Variants in WHRN observed in about 807,000 individuals in gnomAD.
WHRN encodes the protein whirlin.
Under a neutral mutation model 68.3 loss-of-function variants are expected in WHRN, and 41 were observed. The observed-to-expected ratio is 0.60, with a 90% CI of 0.47 to 0.78. The LOEUF is 0.78. Ranked by LOEUF, WHRN falls within the 30% of genes least tolerant of loss-of-function variation. The probability of loss-of-function intolerance (pLI) is 0.00; values close to 1 mark genes in which losing one functional copy is unlikely to be tolerated. For synonymous variants in WHRN, 560 were observed against 561.3 expected (o/e 1.00, Z 0.03); for missense variants, 1,243 against 1,244.7 (o/e 1.00, Z 0.02).
intron 2 of WHRN, among the ~76,000 whole-genome samples, chr9:114,472,002 G>C (rs1376035510): frequency 6.6e-6 from 1 of 152,206 alleles, no homozygotes; most frequent in East Asian, 1.9e-4. Context: ...TAGCAAACCA[G>C]AGCTCGGGCT....
At chr9:114,477,866 T>C (rs1237353252) in intron 2 of WHRN, among the ~76,000 whole-genome samples, 2 of 152,152 alleles carry the variant, frequency 1.3e-5, no homozygotes, top group South Asian at 2.1e-4. Context: ...CTGGCAGCTA[T>C]GTGTGGCCAT....
intron 3 of WHRN, among the ~76,000 whole-genome samples, chr9:114,428,845 C>T (rs373303972): frequency 2.6e-5 from 4 of 152,274 alleles, no homozygotes; most frequent in African/African-American, 7.2e-5. Flanking sequence ...TCGGTTCCTA[C>T]CTGCTCCCTC....
chr9:114,477,876 T>C (rs557395269), intron 2 of WHRN, among the ~76,000 whole-genome samples: 1 of 152,156 alleles, frequency 6.6e-6, no homozygotes. Context: ...TGTGTGGCCA[T>C]GCACCTGGGT....
intron 4 of WHRN, chr9:114,425,863 T>C: frequency 2.6e-6 from 1 of 381,090 alleles, no homozygotes. Flanking sequence ...AGCATCTCTC[T>C]CTTTCCCTCT....
At position 114,478,812 on chromosome 9, in the gene WHRN, C is replaced by T. The variant is rs189548023; in HGVS notation, c.619-41G>A. 5.5e-4 allele frequency: 873 copies of T among 1,577,756 alleles called. 2 individuals carry two copies. The highest frequency in any genetic ancestry group is 2.0e-3 in the South Asian group (178 of 87,610). On this transcript the variant is annotated intron_variant, in intron 1 of 11. Transcript: ENST00000362057. ...TACAAAGGTTAGAGGAAGGGAGGTG[C>T]CGGGGGTGTGGAGGAACACCCTCCC...
At chr9:114,456,164 G>A (rs1437518637) in intron 3 of WHRN, among the ~76,000 whole-genome samples, 5 of 147,780 alleles carry the variant, frequency 3.4e-5, no homozygotes, top group Non-Finnish European at 6.0e-5. Context: ...TCTCCAAATG[G>A]GCAAAAGATC....
intron 4 of WHRN, 103 bp from the exon 5 acceptor site, chr9:114,425,127 G>C (rs953981043): frequency 8.2e-7 from 1 of 1,215,778 alleles, no homozygotes; most frequent in African/African-American, 1.5e-5. Flanking sequence ...AGCTTCAAGA[G>C]AACCATGCAT....
chr9:114,466,497 C>G lies in WHRN; in HGVS notation c.838-105G>C. The G allele has an allele frequency of 1.9e-6, 3 of 1,541,560 alleles. No homozygotes were observed. In the South Asian group the frequency reaches 3.4e-5, roughly 17 times the overall value. On this transcript the variant is annotated intron_variant, in intron 2 of 11. Transcript: ENST00000362057. The stretch of plus-strand genomic sequence containing the variant: ...CGTACTTTGAAGAGCGCATCTTATC[C>G]GACTGGCAAGGAGGCCCAGGCCAAG...
Position 114,413,546 on chromosome 9 carries a change from G to A in WHRN, c.1627-5528C>T, listed in dbSNP as rs977895438. Among the ~76,000 whole-genome samples, 5 of 152,302 alleles carry A rather than the reference G, an allele frequency of 3.3e-5. No individual in the cohort carries two copies. The East Asian group carries it at 5.8e-4, about 18-fold the overall frequency. ...AAGTGTCAGTCATGCAGGTGGCGAC[G>A]GGGAATCATTGGACCTGCAATCTCT... On this transcript the variant is annotated intron_variant, in intron 7 of 11. Coordinates refer to ENST00000362057, the MANE Select transcript of WHRN (RefSeq NM_015404.4).
At chr9:114,478,806 G>C in intron 1 of WHRN, 35 bp from the exon 2 acceptor site, 1 of 1,586,054 alleles carries the variant, frequency 6.3e-7, no homozygotes, top group Admixed American at 1.8e-5. Context: ...TAGAGGAAGG[G>C]AGGTGCCGGG....
intron 9 of WHRN, among the ~76,000 whole-genome samples, chr9:114,404,364 G>A (rs1834878746): frequency 6.6e-6 from 1 of 152,264 alleles, no homozygotes; most frequent in Non-Finnish European, 1.5e-5. Context: ...TGATAAAACA[G>A]AGGTCAGGAG....
chr9:114,407,354 C>T (rs1053500565), intron 8 of WHRN, among the ~76,000 whole-genome samples: 6 of 152,152 alleles, frequency 3.9e-5, no homozygotes, highest in Non-Finnish European at 8.8e-5. Flanking sequence ...AGGCAAGGCA[C>T]AACACCTCTC....
At chr9:114,471,981 G>A (rs182932595) in intron 2 of WHRN, among the ~76,000 whole-genome samples, 3 of 152,348 alleles carry the variant, frequency 2.0e-5, no homozygotes, top group Admixed American at 1.3e-4. Context: ...AGGAAGGAGA[G>A]ACTCACTCCC....
chr9:114,499,288 A>G (rs1843723579), intron 1 of WHRN, among the ~76,000 whole-genome samples: 1 of 152,222 alleles, frequency 6.6e-6, no homozygotes, highest in Non-Finnish European at 1.5e-5. Context: ...CAATGTCAGC[A>G]GCACAAAATC....
At chr9:114,438,386 C>T (rs1264182774) in intron 3 of WHRN, among the ~76,000 whole-genome samples, 3 of 152,010 alleles carry the variant, frequency 2.0e-5, no homozygotes, top group Non-Finnish European at 4.4e-5. Context: ...GAAACAGGCA[C>T]ACTTTTACAC....
At position 114,466,312 on chromosome 9, in the gene WHRN, G is replaced by A. The variant is rs2132955376; in HGVS notation, c.918C>T (p.Ile306=). ...GGAEYGLGIY[I]TGVDPGSEAE... ...CTTCAGAGCCTGGGTCCACGCCAGT[G>A]ATGTAAATGCCAAGGCCGTACTCAG... The change falls in exon 3 of 12, where the codon ATC becomes ATT. Residue 306 remains isoleucine, a synonymous_variant. Coordinates refer to ENST00000362057, the MANE Select transcript of WHRN (RefSeq NM_015404.4). The A allele has an allele frequency of 6.2e-7, 1 of 1,614,160 alleles. No homozygotes were observed. The highest frequency in any genetic ancestry group is 1.1e-5 in the South Asian group (1 of 91,090).
At chr9:114,486,895 T>TA (rs1307736563) in intron 1 of WHRN, among the ~76,000 whole-genome samples, 1 of 101,652 alleles carries the variant, frequency 9.8e-6, no homozygotes, top group Non-Finnish European at 2.0e-5. Flanking sequence ...AGTGTGTGTG[T>TA]GTGTGTGTGT....
At chr9:114,486,969 A>G (rs1178340153) in intron 1 of WHRN, among the ~76,000 whole-genome samples, 30 of 1,090 alleles carry the variant, frequency 0.028, no homozygotes, top group African/African-American at 0.042. Context: ...GTATATATAT[A>G]TATATATATA....
intron 3 of WHRN, among the ~76,000 whole-genome samples, chr9:114,439,175 C>T (rs572902321): frequency 6.6e-6 from 1 of 152,268 alleles, no homozygotes; most frequent in South Asian, 2.1e-4. Context: ...GGGAGTCGTA[C>T]TCGGAGTGTA....
Sources: gnomAD v4.1 joint callset for allele counts (sites outside exome capture counted in the v4.1 genomes callset) on GRCh38, gnomAD v4.1.1 for gene constraint, MANE v1.5 for transcripts, NCBI Gene and HGNC (gene_info 2026-07-23, HGNC 2026-07-21) for gene names.